The following MED13L variants were observed in gnomAD, a reference collection of about 807,000 sequenced individuals.
MED13L encodes mediator complex subunit 13L, also known as mediator of RNA polymerase II transcription subunit 13-like.
In MED13L, 7 loss-of-function variants were observed where a neutral mutation model predicts 220.9. The ratio of observed to expected loss-of-function variants is 0.03; its 90% CI spans 0.02 to 0.06. The LOEUF (loss-of-function observed/expected upper bound fraction) is 0.06. Among genes scored for constraint, MED13L ranks in the 10% least tolerant of loss-of-function variants. MED13L has a pLI of 1.00. For synonymous variants in MED13L, 1,011 were observed against 1,015.2 expected (o/e 1.00, Z 0.08); for missense variants, 1,965 against 2,760.5 (o/e 0.71, Z 6.46).
chr12:116,033,663 T>G (rs1165153301), intron 4 of MED13L, among the ~76,000 whole-genome samples: 2 of 152,210 alleles, frequency 1.3e-5, no homozygotes, highest in Non-Finnish European at 2.9e-5. Context: ...TACAAGATCC[T>G]CACTCCTACA....
intron 2 of MED13L, among the ~76,000 whole-genome samples, chr12:116,202,098 T>C (rs577211895): frequency 6.6e-6 from 1 of 152,304 alleles, no homozygotes; most frequent in African/African-American, 2.4e-5. Context: ...TCAGCGTCAA[T>C]GGAATGAGCC....
Position 115,972,203 on chromosome 12 carries a change from T to G in MED13L, c.5765A>C (p.Gln1922Pro), listed in dbSNP as rs1251751092. ...WSILLGECSLQTISKKLKDVC... is the reference protein window; with the variant it reads ...WSILLGECSLPTISKKLKDVC... ...ATCCTTGAGCTTTTTGCTGATTGTC[T>G]GTAGTGAACATTCTCCAAGGAGGAT... Residue 1922 changes from glutamine to proline, a missense_variant, in exon 26 of 31, where the codon CAG becomes CCG. This residue lies in a region of MED13L where 23 missense variants were observed against 67.1 expected (regional missense o/e 0.34). Transcript: ENST00000281928. 6.2e-7 allele frequency: 1 copy of G among 1,613,958 alleles called. No homozygotes were observed. Among genetic ancestry groups the G allele is most frequent in the South Asian group, 1.1e-5 (1 of 91,082 alleles).
rs1267369919 is a variant in MED13L at position 116,019,432 on chromosome 12, G to A, written c.821-20C>T. ...CACCACCTATAAGCAAAGAGAACAA[G>A]GAAAGAATCAGGACTGAGAAAGAAT... On this transcript the variant is annotated intron_variant, in intron 6 of 30. Coordinates refer to ENST00000281928, the MANE Select transcript of MED13L (RefSeq NM_015335.5). The A allele has an allele frequency of 6.2e-7, 1 of 1,611,972 alleles. No individual in the cohort carries two copies. The highest frequency in any genetic ancestry group is 1.7e-5 in the Admixed American group (1 of 59,952).
At chr12:115,970,518 C>T (rs532040490) in intron 27 of MED13L, 76 bp downstream of exon 27, 44 of 1,481,646 alleles carry the variant, frequency 3.0e-5, no homozygotes, top group Admixed American at 6.8e-5. Flanking sequence ...AAAAGCCATG[C>T]GGCAGCCCAG....
chr12:116,208,344 T>G (rs974288308), intron 2 of MED13L, among the ~76,000 whole-genome samples: 7 of 152,190 alleles, frequency 4.6e-5, no homozygotes, highest in Admixed American at 2.0e-4. Context: ...TGCAGTGAGC[T>G]GAGATCGTGC....
intron 3 of MED13L, among the ~76,000 whole-genome samples, chr12:116,108,190 G>A (rs1201578173): frequency 6.6e-6 from 1 of 151,568 alleles, no homozygotes; most frequent in African/African-American, 2.4e-5. Context: ...GAAATGAAAA[G>A]GCATAACAGA....
At chr12:116,136,289 A>G (rs145563114) in intron 2 of MED13L, among the ~76,000 whole-genome samples, 1 of 152,334 alleles carries the variant, frequency 6.6e-6, no homozygotes, top group African/African-American at 2.4e-5. Flanking sequence ...TCTACCATGC[A>G]AATAAGTGTT....
At chr12:116,092,693 A>G (rs1007878648) in intron 4 of MED13L, among the ~76,000 whole-genome samples, 3 of 152,222 alleles carry the variant, frequency 2.0e-5, no homozygotes, top group Non-Finnish European at 4.4e-5. Context: ...GAAGTTTTAA[A>G]AAGTCTGAAG....
At chr12:116,032,915 A>C (rs1427689601) in intron 4 of MED13L, among the ~76,000 whole-genome samples, 1 of 152,140 alleles carries the variant, frequency 6.6e-6, no homozygotes, top group Non-Finnish European at 1.5e-5. Context: ...AAGGAAAAGA[A>C]GACGGATGGG....
At chr12:116,029,544 T>A (rs978933631) in intron 4 of MED13L, among the ~76,000 whole-genome samples, 2 of 151,800 alleles carry the variant, frequency 1.3e-5, no homozygotes, top group African/African-American at 4.8e-5. Context: ...CACCAAAAGT[T>A]AAAAAAATGT....
intron 3 of MED13L, among the ~76,000 whole-genome samples, chr12:116,097,985 C>T (rs1872748593): frequency 6.6e-6 from 1 of 152,156 alleles, no homozygotes; most frequent in South Asian, 2.1e-4. Flanking sequence ...TGGCTCATGC[C>T]GGTAATCCCA....
intron 3 of MED13L, among the ~76,000 whole-genome samples, chr12:116,098,505 T>C (rs1326649790): frequency 6.6e-6 from 1 of 152,206 alleles, no homozygotes; most frequent in Non-Finnish European, 1.5e-5. Flanking sequence ...TTTGCCTCTG[T>C]AATTTCCACA....
At chr12:116,009,278 C>T (rs1255275093) in intron 9 of MED13L, 146 bp from the exon 10 acceptor site, 3 of 716,432 alleles carry the variant, frequency 4.2e-6, no homozygotes, top group Non-Finnish European at 4.6e-6. Flanking sequence ...AACTAAAAAA[C>T]ACAATACACC....
At chr12:116,210,151 T>C (rs957454041) in intron 2 of MED13L, among the ~76,000 whole-genome samples, 1 of 152,152 alleles carries the variant, frequency 6.6e-6, no homozygotes, top group Non-Finnish European at 1.5e-5. Flanking sequence ...ATGGTTATAC[T>C]CAGTTAGCAG....
rs558530216 is a variant in MED13L at position 116,109,872 on chromosome 12, A to G, written c.395+1556T>C. On this transcript the variant is annotated intron_variant, in intron 3 of 30. Coordinates refer to ENST00000281928, the MANE Select transcript of MED13L (RefSeq NM_015335.5). ...ATTTGGAGGAACACTCAGAGGAGCTAAAGTTGAGAATGAGAAATAGAGAAA... is the reference window on the plus strand; with the variant it reads ...ATTTGGAGGAACACTCAGAGGAGCTGAAGTTGAGAATGAGAAATAGAGAAA... 1.2e-4 allele frequency among the ~76,000 whole-genome samples: 19 copies of G among 152,326 alleles called. No individual in the cohort carries two copies. In the East Asian group the frequency reaches 2.9e-3, roughly 23 times the overall value.
At chr12:116,042,422 T>C (rs1881588794) in intron 4 of MED13L, among the ~76,000 whole-genome samples, 1 of 152,200 alleles carries the variant, frequency 6.6e-6, no homozygotes, top group South Asian at 2.1e-4. Flanking sequence ...GTGCCTGTTT[T>C]AAAATATCCC....
At chr12:116,252,389 A>AT (rs1182706215) in intron 1 of MED13L, among the ~76,000 whole-genome samples, 1 of 152,046 alleles carries the variant, frequency 6.6e-6, no homozygotes, top group African/African-American at 2.4e-5. Flanking sequence ...AAAAAAAAAA[A>AT]TTAGCCAGGT....
chr12:116,180,508 T>C (rs548681546), intron 2 of MED13L, among the ~76,000 whole-genome samples: 4 of 152,318 alleles, frequency 2.6e-5, no homozygotes, highest in East Asian at 3.9e-4. Context: ...ATTATGTATA[T>C]GCAAATATTC....
chr12:116,206,361 T>C (rs913899196), intron 2 of MED13L, among the ~76,000 whole-genome samples: 2 of 152,092 alleles, frequency 1.3e-5, no homozygotes. Flanking sequence ...TGTCAAACCA[T>C]AGGAACATCT....
Sources: gnomAD v4.1 joint callset for allele counts (sites outside exome capture counted in the v4.1 genomes callset) on GRCh38, gnomAD v4.1.1 for gene constraint, gnomAD v4.1.1 regional missense constraint, MANE v1.5 for transcripts, NCBI Gene and HGNC (gene_info 2026-07-23, HGNC 2026-07-21) for gene names.